Variants in DIO2 observed in about 807,000 individuals in gnomAD.
DIO2 encodes the protein iodothyronine deiodinase 2, also known as type II iodothyronine deiodinase.
In DIO2, 19 loss-of-function variants were observed where a neutral mutation model predicts 21.4. That is an observed-to-expected ratio of 0.89 (90% CI 0.62 to 1.30). DIO2 has a LOEUF of 1.30. Among genes scored for constraint, DIO2 ranks in the 50% most tolerant of loss-of-function variants. The pLI, the probability that DIO2 is intolerant of heterozygous loss-of-function variation, is 0.00. For missense variants in DIO2, 302 were observed against 338.1 expected, an observed-to-expected ratio of 0.89 and a Z score of 0.84; for synonymous variants, 122 against 132.9, an observed-to-expected ratio of 0.92 and a Z score of 0.57.
intron 2 of DIO2, among the ~76,000 whole-genome samples, chr14:80,221,203 C>G (rs1395239955): frequency 2.0e-5 from 3 of 152,124 alleles, no homozygotes; most frequent in Admixed American, 2.0e-4. Flanking sequence ...AGAACATCTA[C>G]AATGGTATTA....
At chr14:80,222,139 T>C (rs1296801708) in intron 2 of DIO2, among the ~76,000 whole-genome samples, 1 of 152,248 alleles carries the variant, frequency 6.6e-6, no homozygotes, top group Non-Finnish European at 1.5e-5. Context: ...CACTTGCATA[T>C]ATGCATGTAC....
chr14:80,213,569 C>T (rs1051506972), upstream of DIO2, among the ~76,000 whole-genome samples: 1 of 152,116 alleles, frequency 6.6e-6, no homozygotes, highest in Non-Finnish European at 1.5e-5. Context: ...CTTTAGGTTC[C>T]GTGAGAGCAG....
upstream of DIO2, chr14:80,212,098 G>A (rs971852275): frequency 3.3e-5 from 5 of 150,818 alleles, no homozygotes; most frequent in African/African-American, 1.2e-4. Context: ...CCTTCCCCAG[G>A]AGCGACTGAC....
chr14:80,224,659 A>C (rs1888535639), intron 2 of DIO2, among the ~76,000 whole-genome samples: 1 of 152,192 alleles, frequency 6.6e-6, no homozygotes, highest in Non-Finnish European at 1.5e-5. Context: ...TTTTAAGCCA[A>C]CCAATTTTTG....
chr14:80,203,297 A>G lies in DIO2; in HGVS notation c.223-9T>C. 1.3e-5 allele frequency: 1 copy of G among 77,088 alleles called. No individual in the cohort carries two copies. The highest frequency in any genetic ancestry group is 2.2e-5 in the Non-Finnish European group (1 of 45,430). 4.8% of individuals were successfully genotyped at this position (77,088 alleles called of 1,614,324 possible). A position where few individuals can be genotyped will look rare whatever the true frequency, so the allele number is the denominator to read the frequency against. ...TCCTCACCCAATTTCACCTGACGGT[A>G]AAAAAAAAAAAAAAGAAGAAGAAGA... On this transcript the variant is annotated splice_polypyrimidine_tract_variant and intron_variant, in intron 1 of 1. Transcript: ENST00000438257.
intron 1 of DIO2, among the ~76,000 whole-genome samples, chr14:80,205,245 A>G (rs1046059758): frequency 6.6e-6 from 1 of 151,892 alleles, no homozygotes; most frequent in African/African-American, 2.4e-5. Context: ...TCTTCTCTTT[A>G]GATCTTTCCC....
At chr14:80,203,930 T>C (rs1887848904) in intron 1 of DIO2, among the ~76,000 whole-genome samples, 1 of 152,186 alleles carries the variant, frequency 6.6e-6, no homozygotes, top group South Asian at 2.1e-4. Context: ...GAAATAATAA[T>C]GCCTGTCTTC....
chr14:80,202,517 C>T lies in DIO2; in HGVS notation c.*172G>A. Reference sequence around the variant, plus strand: ...ATATGGTTACTTACTCAGCCCAATGCCATTTGAGTAGTGAAAGAAGTATGG... The same window carrying T: ...ATATGGTTACTTACTCAGCCCAATGTCATTTGAGTAGTGAAAGAAGTATGG... On this transcript the variant is annotated 3_prime_UTR_variant, in exon 2 of 2. Transcript: ENST00000438257. 2 of 744,880 alleles carry T rather than the reference C, an allele frequency of 2.7e-6. No homozygotes were observed. Among genetic ancestry groups the T allele is most frequent in the African/African-American group, 1.7e-5 (1 of 57,464 alleles). 46.1% of individuals were successfully genotyped at this position (744,880 alleles called of 1,614,324 possible). A position where few individuals can be genotyped will look rare whatever the true frequency, so the allele number is the denominator to read the frequency against.
chr14:80,221,770 T>TA (rs914017491), intron 2 of DIO2, among the ~76,000 whole-genome samples: 1 of 152,176 alleles, frequency 6.6e-6, no homozygotes, highest in African/African-American at 2.4e-5. Flanking sequence ...CAATTTACCA[T>TA]AAAAACAAAT....
At chr14:80,203,515 G>A (rs1393920309) in intron 1 of DIO2, among the ~76,000 whole-genome samples, 2 of 152,146 alleles carry the variant, frequency 1.3e-5, no homozygotes, top group Non-Finnish European at 2.9e-5. Context: ...ATTCTGTATA[G>A]TCACTGAAGA....
chr14:80,204,123 C>T (rs1017388213), intron 1 of DIO2, among the ~76,000 whole-genome samples: 2 of 151,992 alleles, frequency 1.3e-5, no homozygotes, highest in Admixed American at 6.6e-5. Flanking sequence ...GCACTCTCCT[C>T]AATATGGCAT....
chr14:80,218,951 C>T (rs1476686793), intron 2 of DIO2, among the ~76,000 whole-genome samples: 1 of 152,048 alleles, frequency 6.6e-6, no homozygotes, highest in African/African-American at 2.4e-5. Context: ...GCACTCCAGC[C>T]CGGGCCACAG....
rs565330426 is a variant in DIO2, at chr14:80,200,934, CATTTT to C, written c.*1750_*1754del. ...TTTTCAACTTTAGTTTTTTTCTATC[CATTTT>C]ATTTATTTTTTATTCAGTTATTAAT... On this transcript the variant is annotated 3_prime_UTR_variant, in exon 2 of 2. Transcript: ENST00000438257. The C allele has an allele frequency of 2.0e-3, 311 of 151,956 alleles. 3 individuals are homozygous for C. The highest frequency in any genetic ancestry group is 7.4e-3 in the African/African-American group (306 of 41,480). The allele number at this position is 151,956 out of a possible 1,614,324, so 9.4% of individuals were successfully genotyped here. A position where few individuals can be genotyped will look rare whatever the true frequency, so the allele number is the denominator to read the frequency against.
At chr14:80,229,669 T>G (rs1888646802) in intron 2 of DIO2, among the ~76,000 whole-genome samples, 1 of 152,196 alleles carries the variant, frequency 6.6e-6, no homozygotes, top group African/African-American at 2.4e-5. Context: ...GTGTGCCATC[T>G]TTTAATCTAT....
At position 80,199,646 on chromosome 14, in the gene DIO2, C is replaced by A. The variant is rs1887636194; in HGVS notation, c.*3043G>T. On this transcript the variant is annotated 3_prime_UTR_variant, in exon 2 of 2. Transcript: ENST00000438257. ...AAATAAAGTCAGTTTTTGATAGGTC[C>A]AAGACATAAGTCTTTCAAACAATAA... 6.6e-6 allele frequency: 1 copy of A among 152,560 alleles called. No homozygotes were observed. Among genetic ancestry groups the A allele is most frequent in the African/African-American group, 2.4e-5 (1 of 41,418 alleles). 9.5% of individuals were successfully genotyped at this position (152,560 alleles called of 1,614,324 possible).
At chr14:80,226,831 G>A (rs1888586197) in intron 2 of DIO2, among the ~76,000 whole-genome samples, 2 of 152,184 alleles carry the variant, frequency 1.3e-5, no homozygotes, top group Non-Finnish European at 2.9e-5. Context: ...CTCCTCTGCT[G>A]AGGTCACCCA....
upstream of DIO2, among the ~76,000 whole-genome samples, chr14:80,213,190 G>A (rs549663022): frequency 1.4e-4 from 22 of 152,306 alleles, no homozygotes; most frequent in South Asian, 3.5e-3. Context: ...AGGTATTTAG[G>A]CAGACAATGC....
In DIO2 at chr14:80,202,787, C is replaced by T; in HGVS notation, c.724G>A (p.Gly242Arg). ...TTGTAGGAGAAGGGGCCCTTTCCTC[C>T]CAGATAAGCAATTTTCTGTCTCTGC... ...IVQRQKIAYLGGKGPFSYNLQ... is the reference protein window; with the variant it reads ...IVQRQKIAYLRGKGPFSYNLQ... The change falls in exon 2 of 2, where the codon GGA (glycine) becomes AGA (arginine). Residue 242 changes from glycine to arginine, a missense_variant. By Grantham distance (125) the Gly-to-Arg change is moderately radical. Transcript: ENST00000438257. 1 of 1,613,946 alleles carries T rather than the reference C, an allele frequency of 6.2e-7. No individual in the cohort carries two copies. The highest frequency in any genetic ancestry group is 8.5e-7 in the Non-Finnish European group (1 of 1,179,882).
chr14:80,208,472 T>G (rs1002623070), intron 1 of DIO2, among the ~76,000 whole-genome samples: 1 of 152,222 alleles, frequency 6.6e-6, no homozygotes, highest in Non-Finnish European at 1.5e-5. Flanking sequence ...TTTACTCCAC[T>G]TTCTCTACAT....
Sources: allele counts gnomAD v4.1 joint callset (sites outside exome capture counted in the v4.1 genomes callset), GRCh38; gene constraint gnomAD v4.1.1; transcripts MANE v1.5; gene names NCBI Gene and HGNC (gene_info 2026-07-23, HGNC 2026-07-21).